RAPGEF3: variants seen among roughly 807,000 people sequenced by gnomAD.
RAPGEF3 encodes 9330170P05Rik.
RAPGEF3 carries 103 observed loss-of-function variants against 129.8 expected under a neutral mutation model. The observed-to-expected ratio is 0.79, with a 90% CI of 0.68 to 0.93. The LOEUF (loss-of-function observed/expected upper bound fraction) is 0.93. RAPGEF3 is among the 40% of genes least tolerant of loss of function. The pLI, the probability that RAPGEF3 is intolerant of heterozygous loss-of-function variation, is 0.00. For synonymous variants in RAPGEF3, 436 were observed against 482.6 expected (o/e 0.90, Z 1.26); for missense variants, 1,117 against 1,207.4 (o/e 0.93, Z 1.11).
In RAPGEF3 at chr12:47,747,810, A is replaced by G; in HGVS notation, c.1375T>C (p.Cys459Arg). ...CGCAAGATCTGCTGCCTCTTGTTGCAGACGTAGGTGCTGCGCTCCTGCTCG... is the reference window on the plus strand; with the variant it reads ...CGCAAGATCTGCTGCCTCTTGTTGCGGACGTAGGTGCTGCGCTCCTGCTCG... ...GSEQERSTYV[C>R]NKRQQILRLV... The change falls in exon 14 of 28, where the codon TGC becomes CGC. Residue 459 changes from cysteine (C) to arginine (R), a missense_variant. Around this residue, in one of 3 missense-constraint regions of RAPGEF3, gnomAD observed 643 missense variants for 673.4 expected, o/e 0.95. Coordinates refer to ENST00000449771, the MANE Select transcript of RAPGEF3 (RefSeq NM_001098531.4). 1 of 1,606,958 alleles carries G rather than the reference A, an allele frequency of 6.2e-7. No individual in the cohort carries two copies.
In RAPGEF3 at chr12:47,738,753, G is replaced by A. The variant is rs1263207228; in HGVS notation, c.2463C>T (p.Asp821=). 6.2e-7 allele frequency: 1 copy of A among 1,607,854 alleles called. No homozygotes were observed. Among genetic ancestry groups the A allele is most frequent in the Non-Finnish European group, 8.5e-7 (1 of 1,174,430 alleles). ...VIPFMPLLLK[D]MTFIHEGNHT... ...GGTTTCCCTCATGAATGAAGGTCATGTCTGCAAAGAGATGGGTTTTGTTCA... is the reference window on the plus strand; with the variant it reads ...GGTTTCCCTCATGAATGAAGGTCATATCTGCAAAGAGATGGGTTTTGTTCA... The change falls in exon 25 of 28, where the codon GAC becomes GAT. Residue 821 remains aspartate (D), a splice_region_variant and synonymous_variant. Coordinates refer to ENST00000449771, the MANE Select transcript of RAPGEF3 (RefSeq NM_001098531.4).
chr12:47,737,293 C>A lies in RAPGEF3; in HGVS notation c.*274G>T. The A allele has an allele frequency of 6.3e-6, 3 of 478,266 alleles. No individual in the cohort carries two copies. The highest frequency in any genetic ancestry group is 2.2e-5 in the South Asian group (1 of 44,732). The allele number at this position is 478,266 out of a possible 1,614,324, so 29.6% of individuals were successfully genotyped here. On this transcript the variant is annotated 3_prime_UTR_variant, in exon 28 of 28. Coordinates refer to ENST00000449771, the MANE Select transcript of RAPGEF3 (RefSeq NM_001098531.4). ...CTCTCTATTGCACACAACGTCCCAG[C>A]GCACTCCACTCTCCACCCACTCCTG...
Position 47,750,341 on chromosome 12 carries a change from C to T in RAPGEF3, c.756G>A (p.Ser252=), listed in dbSNP as rs376016546. 8 of 1,613,638 alleles carry T rather than the reference C, an allele frequency of 5.0e-6. No individual in the cohort carries two copies. The highest frequency in any genetic ancestry group is 1.6e-4 in the Middle Eastern group (1 of 6,080). The part of the protein sequence containing the change: ...HIKAVAHLSN[S]VKRELAAVLL... Reference sequence around the variant, plus strand: ...CAGGGCTGGGAGGGGCAGGACTGACCGAGTTGGAGAGGTGGGCCACAGCCT... The same window carrying T: ...CAGGGCTGGGAGGGGCAGGACTGACTGAGTTGGAGAGGTGGGCCACAGCCT... The change falls in exon 7 of 28, where the codon TCG becomes TCA. Residue 252 remains serine, a splice_region_variant and synonymous_variant. Coordinates refer to ENST00000449771, the MANE Select transcript of RAPGEF3 (RefSeq NM_001098531.4).
At position 47,735,467 on chromosome 12, in the gene RAPGEF3, G is replaced by A. The variant is rs1940769674; in HGVS notation, c.*2100C>T. Reference sequence around the variant, plus strand: ...CCTCTGGGAGTGGCCTGGCCCCCTGGGCCGCAACTCTTCTAGCTCCCAGAG... The same window carrying A: ...CCTCTGGGAGTGGCCTGGCCCCCTGAGCCGCAACTCTTCTAGCTCCCAGAG... On this transcript the variant is annotated 3_prime_UTR_variant, in exon 28 of 28. Transcript: ENST00000449771. The A allele has an allele frequency of 6.6e-6, 1 of 152,170 alleles. No homozygotes were observed. The highest frequency in any genetic ancestry group is 1.5e-5 in the Non-Finnish European group (1 of 68,092). 9.4% of individuals were successfully genotyped at this position (152,170 alleles called of 1,614,324 possible). A position where few individuals can be genotyped will look rare whatever the true frequency, so the allele number is the denominator to read the frequency against.
Position 47,747,188 on chromosome 12 carries a change from T to C in RAPGEF3, c.1557-289A>G, listed in dbSNP as rs546395739. Among the ~76,000 whole-genome samples the C allele has an allele frequency of 3.3e-4, 50 of 152,320 alleles. 1 individual carries two copies. The highest frequency in any genetic ancestry group is 1.2e-3 in the African/African-American group (49 of 41,570). ...GCTCCCAACCCCCCTGAATCTCAGC[T>C]GCTCCCGTGGGAATATCTGCAAAGG... is the stretch of plus-strand genomic sequence containing the variant. On this transcript the variant is annotated intron_variant, in intron 15 of 27. Transcript: ENST00000449771.
chr12:47,748,461 G>A lies in RAPGEF3; in HGVS notation c.1236C>T (p.Asp412=), dbSNP rs1390682535. The change falls in exon 12 of 28, where the codon GAC becomes GAT. Residue 412 remains aspartate, a synonymous_variant. Coordinates refer to ENST00000449771, the MANE Select transcript of RAPGEF3 (RefSeq NM_001098531.4). ...GGTGTCTCTTGCCCTTACCTGTTGG[G>A]TCATGAGCACTGGAATCTGGTCCCA... ...EAMGPDSSAH[D]PTETFLSDFL... 1 of 1,613,268 alleles carries A rather than the reference G, an allele frequency of 6.2e-7. No homozygotes were observed. Among genetic ancestry groups the A allele is most frequent in the Non-Finnish European group, 8.5e-7 (1 of 1,179,684 alleles).
chr12:47,738,225 C>T lies in RAPGEF3; in HGVS notation c.2549G>A (p.Arg850Gln), dbSNP rs762522438. Residue 850 changes from arginine (R) to glutamine (Q), a missense_variant, in exon 26 of 28, where the codon CGG becomes CAG. Arg to Gln is a conservative substitution (Grantham distance 43). Coordinates refer to ENST00000449771, the MANE Select transcript of RAPGEF3 (RefSeq NM_001098531.4). ...GTGGCTTCGGCAGTGGTGCAGCATC[C>T]GCGCGGCTCTGGCCATCATTCTCTG... ...EKMRMMARAA[R>Q]MLHHCRSHNP... 1.4e-5 allele frequency: 23 copies of T among 1,613,498 alleles called. No homozygotes were observed. Among genetic ancestry groups the T allele is most frequent in the African/African-American group, 2.7e-5 (2 of 74,918 alleles).
rs767243386 is a variant in RAPGEF3, at chr12:47,738,758, CAA to C, written c.2462-6_2462-5del. 9 of 1,606,924 alleles carry C rather than the reference CAA, an allele frequency of 5.6e-6. No homozygotes were observed. The highest frequency in any genetic ancestry group is 7.7e-6 in the Non-Finnish European group (9 of 1,173,496). ...CCCTCATGAATGAAGGTCATGTCTG[CAA>C]AGAGATGGGTTTTGTTCATAGGTCC... On this transcript the variant is annotated splice_polypyrimidine_tract_variant and splice_region_variant and intron_variant, in intron 24 of 27. Transcript: ENST00000449771.
chr12:47,752,020 G>A (rs1414892511), intron 2 of RAPGEF3, 51 bp from the exon 3 acceptor site: 4 of 1,588,860 alleles, frequency 2.5e-6, no homozygotes, highest in Non-Finnish European at 2.6e-6. Context: ...TTCAAGCCCA[G>A]CTCTTGGATA....
rs1940844405 is a variant in RAPGEF3 at position 47,737,447 on chromosome 12, C to T, written c.*120G>A. ...GCCTCCACACTGCCTGCTCCAGGGA[C>T]TCGAGTCCACTCCACGGAGAGCCTT... On this transcript the variant is annotated 3_prime_UTR_variant, in exon 28 of 28. Coordinates refer to ENST00000449771, the MANE Select transcript of RAPGEF3 (RefSeq NM_001098531.4). The T allele has an allele frequency of 1.2e-6, 1 of 821,300 alleles. No individual in the cohort carries two copies. 50.9% of individuals were successfully genotyped at this position (821,300 alleles called of 1,614,324 possible).
chr12:47,756,081 G>A (rs1422816635), intron 2 of RAPGEF3: 2 of 152,148 alleles, frequency 1.3e-5, no homozygotes, highest in African/African-American at 2.4e-5. Context: ...CACCTGGCAC[G>A]GAAAGGCCTT....
chr12:47,739,173 C>T lies in RAPGEF3; in HGVS notation c.2431G>A (p.Val811Ile). The stretch of plus-strand genomic sequence containing the variant: ...AGAAGAAGGGGCATGAAGGGGATGA[C>T]AGGAGGGGAGAGCTTGGCGAGGGCC... Reference protein sequence around the residue: ...RLALAKLSPPVIPFMPLLLKD... With the variant: ...RLALAKLSPPIIPFMPLLLKD... Residue 811 changes from valine (V) to isoleucine (I), a missense_variant, in exon 24 of 28, where the codon GTC becomes ATC. Physicochemically the swap from Val to Ile is conservative, Grantham distance 29 (BLOSUM62 3). Coordinates refer to ENST00000449771, the MANE Select transcript of RAPGEF3 (RefSeq NM_001098531.4). 1.2e-6 allele frequency: 2 copies of T among 1,607,730 alleles called. No homozygotes were observed. Among genetic ancestry groups the T allele is most frequent in the Non-Finnish European group, 1.7e-6 (2 of 1,177,442 alleles).
rs769464308 is a variant in RAPGEF3 at position 47,738,179 on chromosome 12, ACCC to A, written c.2581+11_2581+13del. 1.8e-5 allele frequency: 29 copies of A among 1,609,626 alleles called. No individual in the cohort carries two copies. Among genetic ancestry groups the A allele is most frequent in the African/African-American group, 2.7e-5 (2 of 74,766 alleles). Reference sequence around the variant, plus strand: ...GGGTGGGGGACCTCCCACCCCGGGGACCCGCCCTCTCACCAGGGTTGTGGCTTC... The same window carrying A: ...GGGTGGGGGACCTCCCACCCCGGGGAGCCCTCTCACCAGGGTTGTGGCTTC... On this transcript the variant is annotated intron_variant, in intron 26 of 27. Transcript: ENST00000449771.
At chr12:47,738,607 C>T (rs1940942945) in intron 25 of RAPGEF3, 83 bp downstream of exon 25, 1 of 1,210,064 alleles carries the variant, frequency 8.3e-7, no homozygotes, top group Non-Finnish European at 1.2e-6. Context: ...GTTTAAGCTG[C>T]CTCCAAGCCC....
intron 16 of RAPGEF3, 98 bp downstream of exon 16, chr12:47,746,762 A>C (rs1185538538): frequency 3.8e-6 from 5 of 1,301,802 alleles, no homozygotes; most frequent in Non-Finnish European, 5.4e-6. Flanking sequence ...GTGGGAGGAG[A>C]GCTTCCCACG....
At position 47,736,480 on chromosome 12, in the gene RAPGEF3, G is replaced by A. The variant is rs2136717899; in HGVS notation, c.*1087C>T. ...CCTGGGTGAGCTCTGCCTCGCAAGAGGCGTCCTGGCAGTAGCTGGTTCCTA... is the reference window on the plus strand; with the variant it reads ...CCTGGGTGAGCTCTGCCTCGCAAGAAGCGTCCTGGCAGTAGCTGGTTCCTA... On this transcript the variant is annotated 3_prime_UTR_variant, in exon 28 of 28. Transcript: ENST00000449771. 6.6e-6 allele frequency: 1 copy of A among 152,486 alleles called. No individual in the cohort carries two copies. The highest frequency in any genetic ancestry group is 2.1e-4 in the South Asian group (1 of 4,832). The allele number at this position is 152,486 out of a possible 1,614,324, so 9.4% of individuals were successfully genotyped here. A position where few individuals can be genotyped will look rare whatever the true frequency, so the allele number is the denominator to read the frequency against.
Position 47,749,264 on chromosome 12 carries a change from T to G in RAPGEF3, c.1041+126A>C. ...CCAGGGCTATGGTCCCACTGCCAGC[T>G]GTCATAGCCCAGCATCTCTTACCTG... On this transcript the variant is annotated intron_variant, in intron 10 of 27. Transcript: ENST00000449771. The surrounding 1 kb of genome is among the most constrained non-coding windows in gnomAD (Gnocchi z 4.5). 8.3e-7 allele frequency: 1 copy of G among 1,202,796 alleles called. No individual in the cohort carries two copies. The highest frequency in any genetic ancestry group is 1.2e-6 in the Non-Finnish European group (1 of 831,772). The allele number at this position is 1,202,796 out of a possible 1,614,324, so 74.5% of individuals were successfully genotyped here. A position where few individuals can be genotyped will look rare whatever the true frequency, so the allele number is the denominator to read the frequency against.
chr12:47,746,796 G>C, intron 16 of RAPGEF3, 64 bp downstream of exon 16: 1 of 1,491,930 alleles, frequency 6.7e-7, no homozygotes. Context: ...TCAGGGTCAG[G>C]GGGCGAAGGA....
rs1941273270 is a variant in RAPGEF3, at chr12:47,743,582, C to G, written c.1773G>C (p.Gln591His). The change falls in exon 18 of 28, where the codon CAG (glutamine) becomes CAC (histidine). Residue 591 changes from glutamine to histidine, a missense_variant. This residue lies in a region of RAPGEF3 where 643 missense variants were observed against 673.4 expected (regional missense o/e 0.95). Coordinates refer to ENST00000449771, the MANE Select transcript of RAPGEF3 (RefSeq NM_001098531.4). Reference protein sequence around the residue: ...SVREVMAALAQEDGWTKGQVL... With the variant: ...SVREVMAALAHEDGWTKGQVL... ...CCTGCCCCTTGGTCCAGCCATCCTC[C>G]TGGGCCAACGCTGCCATCACCTCTC... The G allele has an allele frequency of 6.2e-7, 1 of 1,614,212 alleles. No homozygotes were observed. The highest frequency in any genetic ancestry group is 1.7e-5 in the Admixed American group (1 of 60,024).
Sources: gnomAD v4.1 joint callset for allele counts (sites outside exome capture counted in the v4.1 genomes callset) on GRCh38, gnomAD v4.1.1 for gene constraint, gnomAD v4.1.1 regional missense constraint, Gnocchi (gnomAD v3.1) non-coding constraint, MANE v1.5 for transcripts, NCBI Gene and HGNC (gene_info 2026-07-23, HGNC 2026-07-21) for gene names.